The following DPP4 variants were observed in gnomAD, a reference collection of about 807,000 sequenced individuals.
DPP4 encodes the protein dipeptidyl peptidase 4.
In DPP4, 93 loss-of-function variants were observed where a neutral mutation model predicts 122.4. The observed-to-expected ratio is 0.76, with a 90% CI of 0.64 to 0.90. The LOEUF (loss-of-function observed/expected upper bound fraction) is 0.90, where lower values mean the gene tolerates loss of function less well. Ranked by LOEUF, DPP4 falls within the 40% of genes least tolerant of loss-of-function variation. DPP4 has a pLI of 0.00. For missense variants in DPP4, 914 were observed against 907.3 expected (o/e 1.01, Z -0.09); for synonymous variants, 321 against 302.9 (o/e 1.06, Z -0.62).
chr2:162,026,668 G>A (rs1185613837), intron 10 of DPP4, among the ~76,000 whole-genome samples: 1 of 152,198 alleles, frequency 6.6e-6, no homozygotes, highest in Non-Finnish European at 1.5e-5. Context: ...GGGGCTGAGA[G>A]TGCAACTGCC....
At chr2:162,028,806 G>A (rs539564671) in intron 10 of DPP4, among the ~76,000 whole-genome samples, 9 of 152,338 alleles carry the variant, frequency 5.9e-5, no homozygotes, top group Non-Finnish European at 8.8e-5. Flanking sequence ...GGTGAGTACT[G>A]CAGATCATGC....
At position 162,005,619 on chromosome 2, in the gene DPP4, T is replaced by G. The variant is rs533624946; in HGVS notation, c.2052+126A>C. 46 of 807,578 alleles carry G rather than the reference T, an allele frequency of 5.7e-5. No homozygotes were observed. The African/African-American group carries it at 7.8e-4, about 14-fold the overall frequency. 50.0% of individuals were successfully genotyped at this position (807,578 alleles called of 1,614,324 possible). On this transcript the variant is annotated intron_variant, in intron 23 of 25. Transcript: ENST00000360534. ...TTGGAGTATCTCTAAACCACCTGTGTTATTTCTTTTAACAAGAATTTTGTT... is the reference window on the plus strand; with the variant it reads ...TTGGAGTATCTCTAAACCACCTGTGGTATTTCTTTTAACAAGAATTTTGTT...
chr2:162,054,986 T>C (rs749146989), intron 2 of DPP4, among the ~76,000 whole-genome samples: 1 of 152,162 alleles, frequency 6.6e-6, no homozygotes, highest in African/African-American at 2.4e-5. Flanking sequence ...TCCAAGCATA[T>C]GTTAGGCAAC....
intron 23 of DPP4, among the ~76,000 whole-genome samples, chr2:162,001,499 C>A (rs1160395695): frequency 6.6e-6 from 1 of 152,202 alleles, no homozygotes; most frequent in Non-Finnish European, 1.5e-5. Flanking sequence ...TTATTACCTA[C>A]TCTCTTTTAT....
At chr2:162,021,366 A>G (rs1683120705) in intron 12 of DPP4, 1 of 152,222 alleles carries the variant, frequency 6.6e-6, no homozygotes, top group African/African-American at 2.4e-5. Flanking sequence ...TCAATAAAAG[A>G]TAGTACTCAG....
intron 2 of DPP4, 28 bp downstream of exon 2, chr2:162,073,371 C>T: frequency 6.2e-7 from 1 of 1,611,902 alleles, no homozygotes. Flanking sequence ...TCCAACTGTC[C>T]TATCTTTTTC....
rs367747272 is a variant in DPP4, at chr2:162,020,716, A to G, written c.1069-28T>C. On this transcript the variant is annotated intron_variant, in intron 12 of 25. Coordinates refer to ENST00000360534, the MANE Select transcript of DPP4 (RefSeq NM_001935.4). ...AGAAAATAATAGAGAACAAAAGAAC[A>G]TTAAAGCACAGTGTCTCATCTCAGT... 5.2e-6 allele frequency: 8 copies of G among 1,540,330 alleles called. No individual in the cohort carries two copies. The African/African-American group carries it at 9.6e-5, about 19-fold the overall frequency.
At chr2:162,067,079 A>G (rs1374500713) in intron 2 of DPP4, among the ~76,000 whole-genome samples, 2 of 27,368 alleles carry the variant, frequency 7.3e-5, no homozygotes. Context: ...TTTTGAATTG[A>G]AAAATATTGT....
At chr2:162,030,168 C>T (rs866880675) in intron 10 of DPP4, among the ~76,000 whole-genome samples, 2 of 152,264 alleles carry the variant, frequency 1.3e-5, no homozygotes, top group Middle Eastern at 6.8e-3. Context: ...TGCTGTTTTC[C>T]TTCAAATTTT....
intron 5 of DPP4, 147 bp downstream of exon 5, chr2:162,045,385 G>C (rs866623231): frequency 1.7e-5 from 11 of 628,852 alleles, no homozygotes; most frequent in Admixed American, 9.4e-5. Context: ...TTAAGAATGA[G>C]AATGACTCTG....
chr2:162,001,023 G>T (rs1297015080), intron 23 of DPP4, among the ~76,000 whole-genome samples: 1 of 152,114 alleles, frequency 6.6e-6, no homozygotes, highest in Non-Finnish European at 1.5e-5. Flanking sequence ...GTGCTGATCT[G>T]CCTTCCCCCA....
At chr2:162,038,046 C>A (rs565713430) in intron 8 of DPP4, among the ~76,000 whole-genome samples, 1 of 152,194 alleles carries the variant, frequency 6.6e-6, no homozygotes, top group South Asian at 2.1e-4. Context: ...TCTACCTACA[C>A]AGAAAAGCCC....
chr2:162,006,960 G>C (rs1420924072), intron 22 of DPP4, among the ~76,000 whole-genome samples: 1 of 151,908 alleles, frequency 6.6e-6, no homozygotes. Context: ...AACACTTTTT[G>C]AATGACTGGT....
intron 2 of DPP4, among the ~76,000 whole-genome samples, chr2:162,059,008 A>G (rs939238109): frequency 2.0e-5 from 3 of 152,250 alleles, no homozygotes; most frequent in African/African-American, 7.2e-5. Context: ...ATGTAGCAGA[A>G]AAGTAAAAGT....
rs978894468 is a variant in DPP4, at chr2:162,011,845, T to G, written c.1780A>C (p.Ile594Leu). 3 of 1,613,752 alleles carry G rather than the reference T, an allele frequency of 1.9e-6. No individual in the cohort carries two copies. The African/African-American group carries it at 4.0e-5, about 22-fold the overall frequency. ...TCAAATGTTCCCAGTCTTCTGTTGA[T>G]TGCATGCATGATCTTATCTCCTTGG... ...GYQGDKIMHA[I>L]NRRLGTFEVE... Residue 594 changes from isoleucine to leucine, a missense_variant, in exon 20 of 26, where the codon ATC becomes CTC. By Grantham distance (5) the Ile-to-Leu change is conservative (BLOSUM62 2). Coordinates refer to ENST00000360534, the MANE Select transcript of DPP4 (RefSeq NM_001935.4).
At position 162,018,415 on chromosome 2, in the gene DPP4, A is replaced by T. The variant is rs561598797; in HGVS notation, c.1420+314T>A. Reference sequence around the variant, plus strand: ...ACGCACCAGCCACATACATTTTCTCATTGAAAGGGACGAGTGCATAAAATA... The same window carrying T: ...ACGCACCAGCCACATACATTTTCTCTTTGAAAGGGACGAGTGCATAAAATA... On this transcript the variant is annotated intron_variant, in intron 16 of 25. Coordinates refer to ENST00000360534, the MANE Select transcript of DPP4 (RefSeq NM_001935.4). Among the ~76,000 whole-genome samples the T allele has an allele frequency of 5.3e-5, 8 of 152,336 alleles. No individual in the cohort carries two copies. The South Asian group carries it at 1.7e-3, about 32-fold the overall frequency.
intron 15 of DPP4, 52 bp from the exon 16 acceptor site, chr2:162,018,902 GA>G (rs750772546): frequency 7.4e-5 from 119 of 1,606,834 alleles, no homozygotes; most frequent in Non-Finnish European, 9.9e-5. Flanking sequence ...TAAGTGAGAG[GA>G]AGGAACTGAA....
intron 2 of DPP4, among the ~76,000 whole-genome samples, chr2:162,059,250 T>C (rs1336140135): frequency 6.6e-6 from 1 of 152,150 alleles, no homozygotes; most frequent in Non-Finnish European, 1.5e-5. Flanking sequence ...AAATGAATTT[T>C]TTTTTTTCTG....
At chr2:162,007,651 T>A (rs1321569715) in intron 22 of DPP4, among the ~76,000 whole-genome samples, 1 of 152,018 alleles carries the variant, frequency 6.6e-6, no homozygotes, top group African/African-American at 2.4e-5. Flanking sequence ...CCACTAGAGG[T>A]CTCCAAAAAC....
Sources: allele counts gnomAD v4.1 joint callset (sites outside exome capture counted in the v4.1 genomes callset), GRCh38; gene constraint gnomAD v4.1.1; transcripts MANE v1.5; gene names NCBI Gene and HGNC (gene_info 2026-07-23, HGNC 2026-07-21).